Variants in GADL1 observed in about 807,000 individuals in gnomAD.
The protein encoded by GADL1 is acidic amino acid decarboxylase GADL1.
A neutral mutation model predicts 69.5 loss-of-function variants in GADL1; 71 were observed. The observed-to-expected ratio is 1.02, with a 90% confidence interval of 0.84 to 1.25. The LOEUF (loss-of-function observed/expected upper bound fraction) is 1.25. Among genes scored for constraint, GADL1 ranks in the 50% most tolerant of loss-of-function variants. The probability of loss-of-function intolerance (pLI) is 0.00; values close to 1 mark genes in which losing one functional copy is unlikely to be tolerated. For synonymous variants in GADL1, 254 were observed against 214.4 expected (o/e 1.18, Z -1.62); for missense variants, 737 against 631.8 (o/e 1.17, Z -1.79).
At chr3:30,847,067 A>G (rs1415499647) in intron 6 of GADL1, among the ~76,000 whole-genome samples, 2 of 152,196 alleles carry the variant, frequency 1.3e-5, no homozygotes, top group Non-Finnish European at 2.9e-5. Flanking sequence ...TCTGAAATAT[A>G]CAGGAACTTT....
chr3:30,853,338 C>T (rs1252351314), intron 4 of GADL1, among the ~76,000 whole-genome samples: 1 of 151,122 alleles, frequency 6.6e-6, no homozygotes, highest in African/African-American at 2.4e-5. Context: ...GGTATCAATA[C>T]ATTTTTATAA....
At chr3:30,854,272 C>G (rs1447476592) in intron 4 of GADL1, among the ~76,000 whole-genome samples, 1 of 152,166 alleles carries the variant, frequency 6.6e-6, no homozygotes, top group Non-Finnish European at 1.5e-5. Context: ...ACACTTTGTA[C>G]TTTTCCTTCA....
At chr3:30,801,170 T>C in intron 11 of GADL1, 82 bp from the exon 12 acceptor site, 2 of 1,000,788 alleles carry the variant, frequency 2.0e-6, no homozygotes, top group East Asian at 2.5e-5. Flanking sequence ...ACACACACAA[T>C]GTGTATATTC....
At chr3:30,752,762 TTTG>T (rs1235502347) in intron 14 of GADL1, among the ~76,000 whole-genome samples, 1 of 152,152 alleles carries the variant, frequency 6.6e-6, no homozygotes, top group Non-Finnish European at 1.5e-5. Flanking sequence ...AGTCCAAAGA[TTTG>T]TTAGCATTTG....
chr3:30,738,301 T>C (rs944625695), intron 14 of GADL1, among the ~76,000 whole-genome samples: 1 of 152,180 alleles, frequency 6.6e-6, no homozygotes, highest in African/African-American at 2.4e-5. Flanking sequence ...GCAATGACTG[T>C]GGAGTGCTAC....
At chr3:30,846,611 G>A (rs532631865) in intron 6 of GADL1, among the ~76,000 whole-genome samples, 38 of 152,150 alleles carry the variant, frequency 2.5e-4, no homozygotes, top group Non-Finnish European at 4.4e-4. Flanking sequence ...TCTCAAGTTA[G>A]CTGGTAGAAT....
rs370380486 is a variant in GADL1 at position 30,801,093 on chromosome 3, G to A, written c.1051-5C>T. On this transcript the variant is annotated splice_region_variant and splice_polypyrimidine_tract_variant and intron_variant, in intron 11 of 14. Transcript: ENST00000282538. ...GTAGCATTTTTTAAGAAGATCCTTCGAAAAAGAAAAGATTACAAGACTGTT... is the reference window on the plus strand; with the variant it reads ...GTAGCATTTTTTAAGAAGATCCTTCAAAAAAGAAAAGATTACAAGACTGTT... The A allele has an allele frequency of 3.0e-5, 47 of 1,578,762 alleles. 1 individual carries two copies. The highest frequency in any genetic ancestry group is 1.0e-4 in the South Asian group (9 of 89,618).
At chr3:30,845,362 ATTCT>A (rs576802433) in intron 6 of GADL1, among the ~76,000 whole-genome samples, 2 of 152,256 alleles carry the variant, frequency 1.3e-5, no homozygotes, top group African/African-American at 4.8e-5. Flanking sequence ...TGGTCAATTA[ATTCT>A]TTTTCTTGCC....
rs550867961 is a variant in GADL1, at chr3:30,726,785, T to C, written c.*1457A>G. On this transcript the variant is annotated 3_prime_UTR_variant, in exon 15 of 15. Transcript: ENST00000282538. ...TTGGTGAACTCTACACCCACACCTA[T>C]GAATTCTGTCAATTTCTTAGTTAAA... The C allele has an allele frequency of 3.3e-5, 5 of 152,238 alleles. No individual in the cohort carries two copies. Among genetic ancestry groups the C allele is most frequent in the Non-Finnish European group, 5.9e-5 (4 of 68,022 alleles). 9.4% of individuals were successfully genotyped at this position (152,238 alleles called of 1,614,324 possible). A position where few individuals can be genotyped will look rare whatever the true frequency, so the allele number is the denominator to read the frequency against.
At chr3:30,842,264 G>A (rs1436393235) in intron 8 of GADL1, among the ~76,000 whole-genome samples, 1 of 152,014 alleles carries the variant, frequency 6.6e-6, no homozygotes, top group East Asian at 1.9e-4. Flanking sequence ...ACAAAACTAT[G>A]GTATGTTGTT....
At chr3:30,740,577 T>C (rs990002421) in intron 14 of GADL1, among the ~76,000 whole-genome samples, 2 of 152,136 alleles carry the variant, frequency 1.3e-5, no homozygotes, top group Non-Finnish European at 2.9e-5. Context: ...AGCAGTTACA[T>C]AACAAAACAC....
chr3:30,753,887 A>G (rs1295966852), intron 14 of GADL1, among the ~76,000 whole-genome samples: 9 of 152,336 alleles, frequency 5.9e-5, no homozygotes, highest in African/African-American at 2.2e-4. Flanking sequence ...GGACCCTGCA[A>G]ATGAGGTAAC....
intron 1 of GADL1, among the ~76,000 whole-genome samples, chr3:30,863,137 C>T (rs971610650): frequency 6.6e-6 from 1 of 151,746 alleles, no homozygotes; most frequent in Non-Finnish European, 1.5e-5. Context: ...ACAAATCATT[C>T]CTTAAAAAGC....
intron 14 of GADL1, among the ~76,000 whole-genome samples, chr3:30,738,122 C>T (rs1020625546): frequency 6.6e-6 from 1 of 152,214 alleles, no homozygotes; most frequent in Non-Finnish European, 1.5e-5. Flanking sequence ...CAGCAGCCAC[C>T]TGAGCTAATA....
intron 1 of GADL1, 50 bp from the exon 2 acceptor site, chr3:30,861,815 C>T (rs1559363750): frequency 8.1e-7 from 1 of 1,236,086 alleles, no homozygotes; most frequent in African/African-American, 1.5e-5. Context: ...AATTACACCA[C>T]ATAACAAAGC....
At chr3:30,772,290 A>G (rs1002114352) in intron 14 of GADL1, among the ~76,000 whole-genome samples, 2 of 152,252 alleles carry the variant, frequency 1.3e-5, no homozygotes, top group Admixed American at 6.5e-5. Context: ...ATAACCATAC[A>G]TGAATACGAA....
chr3:30,816,532 T>C (rs1697474181), intron 11 of GADL1, among the ~76,000 whole-genome samples: 1 of 40,600 alleles, frequency 2.5e-5, no homozygotes, highest in African/African-American at 1.9e-4. Context: ...TTTGTTTTCT[T>C]TTTTTTTTTT....
At chr3:30,802,010 A>T (rs752806688) in intron 11 of GADL1, among the ~76,000 whole-genome samples, 1 of 152,166 alleles carries the variant, frequency 6.6e-6, no homozygotes, top group Non-Finnish European at 1.5e-5. Context: ...GATACTTGAC[A>T]CTTTCAAAAG....
At chr3:30,877,009 T>C (rs9829515) in intron 1 of GADL1, among the ~76,000 whole-genome samples, 33,902 of 151,792 alleles carry the variant, frequency 0.22, 4,519 homozygotes, top group East Asian at 0.46. Context: ...CAAATACCTA[T>C]TATTTTTTGA....
Sources: gnomAD v4.1 joint callset for allele counts (sites outside exome capture counted in the v4.1 genomes callset) on GRCh38, gnomAD v4.1.1 for gene constraint, MANE v1.5 for transcripts, NCBI Gene and HGNC (gene_info 2026-07-23, HGNC 2026-07-21) for gene names.